The following NUP160 variants were observed in gnomAD, a reference collection of about 807,000 sequenced individuals.
NUP160 encodes nuclear pore complex protein Nup160.
NUP160 carries 94 observed loss-of-function variants against 196.9 expected under a neutral mutation model. That is an observed-to-expected ratio of 0.48 (90% CI 0.40 to 0.57). The LOEUF (loss-of-function observed/expected upper bound fraction) is 0.57. NUP160 is among the 20% of genes least tolerant of loss of function. The probability of loss-of-function intolerance (pLI) is 0.00; values close to 1 mark genes in which losing one functional copy is unlikely to be tolerated. For synonymous variants in NUP160, 605 were observed against 619.7 expected, an observed-to-expected ratio of 0.98 and a Z score of 0.35; for missense variants, 1,638 against 1,748.3, an observed-to-expected ratio of 0.94 and a Z score of 1.13.
At position 47,791,927 on chromosome 11, in the gene NUP160, C is replaced by T. The variant is rs1418651245; in HGVS notation, c.3511+3G>A. ...AAGAACCAGTGTGAGACTCCTGACT[C>T]ACTGGGGGCAGCTGTGCATTCTCCA... On this transcript the variant is annotated splice_donor_region_variant and intron_variant, in intron 29 of 35. Transcript: ENST00000378460. 1 of 1,606,244 alleles carries T rather than the reference C, an allele frequency of 6.2e-7. No individual in the cohort carries two copies. Among genetic ancestry groups the T allele is most frequent in the South Asian group, 1.1e-5 (1 of 90,666 alleles).
chr11:47,783,392 A>C (rs2097662622), intron 33 of NUP160, among the ~76,000 whole-genome samples, 194 bp from the exon 34 acceptor site: 1 of 152,118 alleles, frequency 6.6e-6, no homozygotes, highest in Admixed American at 6.6e-5. Context: ...AAAAAAGTTA[A>C]ATCCCTAAGA....
chr11:47,811,951 A>C, intron 17 of NUP160, 113 bp downstream of exon 17: 1 of 849,480 alleles, frequency 1.2e-6, no homozygotes, highest in Non-Finnish European at 1.9e-6. Flanking sequence ...AGAATAAAGC[A>C]GTGAACCAAG....
chr11:47,802,395 C>T (rs920136142), intron 22 of NUP160, among the ~76,000 whole-genome samples: 6 of 151,924 alleles, frequency 3.9e-5, no homozygotes, highest in Admixed American at 1.3e-4. Context: ...CATGCCACTG[C>T]AGTCTAGCCT....
intron 15 of NUP160, 110 bp from the exon 16 acceptor site, chr11:47,812,539 G>T: frequency 9.1e-7 from 1 of 1,102,996 alleles, no homozygotes; most frequent in Non-Finnish European, 1.3e-6. Context: ...ATAAAGGAAT[G>T]AAGATAATCA....
chr11:47,784,842 C>A (rs2097663590), intron 33 of NUP160, 80 bp downstream of exon 33: 1 of 1,098,234 alleles, frequency 9.1e-7, no homozygotes, highest in African/African-American at 1.6e-5. Flanking sequence ...GCAATCAGTC[C>A]ATATTTTTAA....
At chr11:47,824,835 T>A (rs1236106424) in intron 7 of NUP160, among the ~76,000 whole-genome samples, 2 of 151,468 alleles carry the variant, frequency 1.3e-5, no homozygotes, top group Non-Finnish European at 2.9e-5. Flanking sequence ...TCACGTTAAT[T>A]TAATTTAATT....
At chr11:47,821,641 T>C (rs1314119224) in intron 9 of NUP160, 83 bp downstream of exon 9, 2 of 997,832 alleles carry the variant, frequency 2.0e-6, no homozygotes, top group African/African-American at 3.2e-5. Flanking sequence ...ATTACAGGCA[T>C]GAGACACGGC....
chr11:47,784,387 C>T (rs2097663328), intron 33 of NUP160, among the ~76,000 whole-genome samples: 1 of 152,204 alleles, frequency 6.6e-6, no homozygotes, highest in African/African-American at 2.4e-5. Flanking sequence ...TTGTAAACAA[C>T]ACGGCACTCA....
At chr11:47,780,146 C>T (rs371459841) in intron 35 of NUP160, among the ~76,000 whole-genome samples, 197 bp downstream of exon 35, 1 of 152,212 alleles carries the variant, frequency 6.6e-6, no homozygotes, top group East Asian at 1.9e-4. Flanking sequence ...AACACTTACA[C>T]AGTTCCTCAT....
exon 17 of NUP160, chr11:47,812,109 T>G (rs756373182): frequency 2.5e-6 from 4 of 1,614,166 alleles, no homozygotes; most frequent in Non-Finnish European, 3.4e-6. Flanking sequence ...TCAAAAGATC[T>G]CTGCAGATCA....
intron 22 of NUP160, among the ~76,000 whole-genome samples, chr11:47,802,717 G>A (rs1315946925): frequency 2.0e-5 from 3 of 152,176 alleles, no homozygotes; most frequent in African/African-American, 7.2e-5. Flanking sequence ...GCTCATGCCT[G>A]TAGTCCCAAC....
intron 6 of NUP160, 102 bp from the exon 7 acceptor site, chr11:47,835,911 C>G: frequency 2.1e-6 from 2 of 930,548 alleles, no homozygotes; most frequent in Non-Finnish European, 3.1e-6. Flanking sequence ...ACTGCTCTAT[C>G]TAGTTTATCT....
chr11:47,806,336 G>C (rs1279000418), intron 19 of NUP160, 24 bp from the exon 20 acceptor site: 3 of 1,552,986 alleles, frequency 1.9e-6, no homozygotes, highest in Non-Finnish European at 2.7e-6. Context: ...AGTTATGACA[G>C]TTTTGTGTAG....
At chr11:47,786,599 G>A (rs2097664682) in intron 31 of NUP160, 45 bp from the exon 32 acceptor site, 2 of 1,172,660 alleles carry the variant, frequency 1.7e-6, no homozygotes, top group African/African-American at 3.0e-5. Context: ...ACGCTGAAAC[G>A]TACCACTTTA....
chr11:47,795,040 C>T (rs535506467), intron 27 of NUP160, among the ~76,000 whole-genome samples: 1 of 152,076 alleles, frequency 6.6e-6, no homozygotes, highest in East Asian at 1.9e-4. Flanking sequence ...GTGGAGGTTG[C>T]TGTGAGCCGA....
intron 33 of NUP160, 191 bp downstream of exon 33, chr11:47,784,731 G>T: frequency 2.7e-6 from 1 of 368,202 alleles, no homozygotes; most frequent in Non-Finnish European, 4.9e-6. Context: ...AAATAGAGAT[G>T]GGGTCTCCCT....
At chr11:47,795,573 T>C (rs1393684895) in intron 27 of NUP160, among the ~76,000 whole-genome samples, 1 of 152,174 alleles carries the variant, frequency 6.6e-6, no homozygotes, top group Non-Finnish European at 1.5e-5. Context: ...TACAAAAATG[T>C]TAGACATTCC....
At chr11:47,840,005 T>C in exon 4 of NUP160, 1 of 1,614,180 alleles carries the variant, frequency 6.2e-7, no homozygotes, top group Non-Finnish European at 8.5e-7. Flanking sequence ...CAAGGATCTG[T>C]GAAATCAACT....
At chr11:47,822,946 C>A (rs1010040977) in intron 7 of NUP160, among the ~76,000 whole-genome samples, 2 of 152,206 alleles carry the variant, frequency 1.3e-5, no homozygotes, top group African/African-American at 2.4e-5. Context: ...ATATGTGCCA[C>A]ATTTTCTTAA....
Sources: allele counts gnomAD v4.1 joint callset (sites outside exome capture counted in the v4.1 genomes callset), GRCh38; gene constraint gnomAD v4.1.1; transcripts MANE v1.5; gene names NCBI Gene and HGNC (gene_info 2026-07-23, HGNC 2026-07-21).